ST8SIA4: variants seen among roughly 807,000 people sequenced by gnomAD.
ST8SIA4 encodes the protein ST8 alpha-N-acetyl-neuraminide alpha-2,8-sialyltransferase 4, also known as CMP-N-acetylneuraminate-poly-alpha-2,8-sialyltransferase.
In ST8SIA4, 15 loss-of-function variants were observed where a neutral mutation model predicts 33.9. The ratio of observed to expected loss-of-function variants is 0.44; its 90% CI spans 0.30 to 0.68. The LOEUF (loss-of-function observed/expected upper bound fraction) is 0.68. Among genes scored for constraint, ST8SIA4 ranks in the 30% least tolerant of loss-of-function variants. The pLI, the probability that ST8SIA4 is intolerant of heterozygous loss-of-function variation, is 0.10. For synonymous variants in ST8SIA4, 171 were observed against 151.2 expected, an observed-to-expected ratio of 1.13 and a Z score of -0.96; for missense variants, 321 against 428.0, an observed-to-expected ratio of 0.75 and a Z score of 2.21.
intron 4 of ST8SIA4, among the ~76,000 whole-genome samples, chr5:100,815,231 A>C (rs1750891070): frequency 6.6e-6 from 1 of 152,024 alleles, no homozygotes; most frequent in Non-Finnish European, 1.5e-5. Flanking sequence ...AAAAAATCTA[A>C]GAAAAACATT....
At chr5:100,833,449 T>C (rs1210238639) in intron 4 of ST8SIA4, among the ~76,000 whole-genome samples, 4 of 152,150 alleles carry the variant, frequency 2.6e-5, no homozygotes, top group Admixed American at 6.5e-5. Flanking sequence ...AAAGGCAGTA[T>C]GGAATTGAGA....
At chr5:100,887,775 G>A (rs192976705) in intron 2 of ST8SIA4, among the ~76,000 whole-genome samples, 56 of 152,096 alleles carry the variant, frequency 3.7e-4, no homozygotes, top group African/African-American at 1.3e-3. Flanking sequence ...CTGTATGTTC[G>A]TTTATGTTAG....
intron 4 of ST8SIA4, among the ~76,000 whole-genome samples, chr5:100,823,673 A>G (rs1751079496): frequency 6.6e-6 from 1 of 152,258 alleles, no homozygotes; most frequent in Non-Finnish European, 1.5e-5. Flanking sequence ...TGAAGAAACA[A>G]AAAACTCCAA....
At chr5:100,836,057 AAG>A (rs1751356397) in intron 4 of ST8SIA4, among the ~76,000 whole-genome samples, 1 of 152,108 alleles carries the variant, frequency 6.6e-6, no homozygotes, top group Non-Finnish European at 1.5e-5. Context: ...GTTGTCTGGA[AAG>A]AGAGAAATAC....
intron 4 of ST8SIA4, among the ~76,000 whole-genome samples, chr5:100,855,028 C>T (rs1016744786): frequency 2.0e-5 from 3 of 152,176 alleles, no homozygotes; most frequent in Admixed American, 2.0e-4. Context: ...AGAGCATAAA[C>T]TCAATTCCCT....
At chr5:100,899,508 T>C (rs1325340317) in intron 1 of ST8SIA4, among the ~76,000 whole-genome samples, 1 of 152,220 alleles carries the variant, frequency 6.6e-6, no homozygotes, top group African/African-American at 2.4e-5. Context: ...GTTTTAGAAC[T>C]AATATTGTTG....
intron 2 of ST8SIA4, among the ~76,000 whole-genome samples, chr5:100,888,724 A>C (rs760379035): frequency 2.0e-5 from 3 of 151,948 alleles, no homozygotes; most frequent in Non-Finnish European, 4.4e-5. Flanking sequence ...CATGATTAGC[A>C]AAGAAGGGAG....
chr5:100,870,901 T>C (rs1240531747), intron 3 of ST8SIA4, among the ~76,000 whole-genome samples: 1 of 152,126 alleles, frequency 6.6e-6, no homozygotes, highest in Non-Finnish European at 1.5e-5. Flanking sequence ...ATCAAAATCA[T>C]GAATAAGGTA....
intron 4 of ST8SIA4, among the ~76,000 whole-genome samples, chr5:100,839,048 A>T (rs1396612308): frequency 6.6e-6 from 1 of 151,860 alleles, no homozygotes; most frequent in Non-Finnish European, 1.5e-5. Flanking sequence ...GCCTGATTTC[A>T]AACTCCTGGC....
At chr5:100,821,780 G>A (rs886646417) in intron 4 of ST8SIA4, among the ~76,000 whole-genome samples, 1 of 152,162 alleles carries the variant, frequency 6.6e-6, no homozygotes, top group Non-Finnish European at 1.5e-5. Flanking sequence ...AGCATTCCCA[G>A]CAAGTATCAA....
chr5:100,888,214 C>CAT (rs202191252), intron 2 of ST8SIA4, among the ~76,000 whole-genome samples: 44 of 148,462 alleles, frequency 3.0e-4, no homozygotes, highest in African/African-American at 7.3e-4. Flanking sequence ...AAAAAAAAAA[C>CAT]ATATATATAT....
intron 3 of ST8SIA4, among the ~76,000 whole-genome samples, chr5:100,860,860 T>A: frequency 6.6e-6 from 1 of 152,172 alleles, no homozygotes; most frequent in East Asian, 1.9e-4. Flanking sequence ...TCATCTCAGA[T>A]TCCTAAGACT....
chr5:100,871,951 T>C (rs1752205268), intron 3 of ST8SIA4, among the ~76,000 whole-genome samples: 1 of 152,062 alleles, frequency 6.6e-6, no homozygotes, highest in Admixed American at 6.6e-5. Context: ...ACTGTATCAC[T>C]CTTCTTAGTT....
chr5:100,836,672 C>A (rs564285306), intron 4 of ST8SIA4, among the ~76,000 whole-genome samples: 76 of 151,996 alleles, frequency 5.0e-4, no homozygotes, highest in Non-Finnish European at 8.4e-4. Flanking sequence ...CATTTCATAA[C>A]TCCCAGGTGG....
At chr5:100,851,304 T>C (rs970362135) in intron 4 of ST8SIA4, among the ~76,000 whole-genome samples, 5 of 151,950 alleles carry the variant, frequency 3.3e-5, no homozygotes, top group African/African-American at 1.2e-4. Flanking sequence ...AATATACTAT[T>C]AGTTTATAAA....
intron 4 of ST8SIA4, among the ~76,000 whole-genome samples, chr5:100,832,529 C>A (rs1751284481): frequency 6.6e-6 from 1 of 152,086 alleles, no homozygotes; most frequent in East Asian, 1.9e-4. Context: ...ATGACTCTCT[C>A]TTTTTCAGTT....
intron 1 of ST8SIA4, chr5:100,900,459 A>C (rs1490458180): frequency 2.2e-6 from 1 of 456,128 alleles, no homozygotes; most frequent in African/African-American, 2.0e-5. Flanking sequence ...CCTCCACCAG[A>C]AGCGCTGTTT....
At chr5:100,863,941 G>T (rs181350343) in intron 3 of ST8SIA4, among the ~76,000 whole-genome samples, 1 of 152,262 alleles carries the variant, frequency 6.6e-6, no homozygotes, top group Non-Finnish European at 1.5e-5. Flanking sequence ...ATCAGGAAAG[G>T]TGCTTTTAGT....
intron 3 of ST8SIA4, among the ~76,000 whole-genome samples, chr5:100,879,657 A>G (rs1752375182): frequency 6.6e-6 from 1 of 152,208 alleles, no homozygotes; most frequent in African/African-American, 2.4e-5. Context: ...ATTGTTTCAT[A>G]AGATACATTC....
Sources: allele counts gnomAD v4.1 joint callset (sites outside exome capture counted in the v4.1 genomes callset), GRCh38; gene constraint gnomAD v4.1.1; transcripts MANE v1.5; gene names NCBI Gene and HGNC (gene_info 2026-07-23, HGNC 2026-07-21).